Variants in KHDRBS2 observed in about 807,000 individuals in gnomAD.
KHDRBS2 encodes the protein KH domain-containing, RNA-binding, signal transduction-associated protein 2.
A neutral mutation model predicts 44.3 loss-of-function variants in KHDRBS2; 26 were observed. The ratio of observed to expected loss-of-function variants is 0.59; its 90% CI spans 0.43 to 0.81. The LOEUF is 0.81. KHDRBS2 is among the 40% of genes least tolerant of loss of function. The pLI is 0.00. For synonymous variants in KHDRBS2, 194 were observed against 151.1 expected, an observed-to-expected ratio of 1.28 and a Z score of -2.08; for missense variants, 476 against 433.1, an observed-to-expected ratio of 1.10 and a Z score of -0.88.
At chr6:62,035,448 C>T (rs1489625397) in intron 3 of KHDRBS2, among the ~76,000 whole-genome samples, 2 of 151,844 alleles carry the variant, frequency 1.3e-5, no homozygotes, top group Admixed American at 6.6e-5. Flanking sequence ...ATGAAAACAA[C>T]TGAACTCATG....
Position 61,794,965 on chromosome 6 carries a change from C to G in KHDRBS2, c.811-62201G>C, listed in dbSNP as rs374467936. 1.5e-4 allele frequency among the ~76,000 whole-genome samples: 22 copies of G among 151,598 alleles called. No homozygotes were observed. In the East Asian group the frequency reaches 4.1e-3, roughly 28 times the overall value. On this transcript the variant is annotated intron_variant, in intron 6 of 8. Transcript: ENST00000281156. ...ACCAACCTGGCCAACATGGTGAAAC[C>G]CTGTCTCTACTAAAAATACAAAAAT...
At chr6:62,153,673 A>T (rs1047318093) in intron 2 of KHDRBS2, among the ~76,000 whole-genome samples, 1 of 152,178 alleles carries the variant, frequency 6.6e-6, no homozygotes, top group Non-Finnish European at 1.5e-5. Flanking sequence ...GCTTACTTAC[A>T]TCATGGTGAG....
At chr6:61,952,265 G>T (rs191983322) in intron 4 of KHDRBS2, among the ~76,000 whole-genome samples, 12 of 152,134 alleles carry the variant, frequency 7.9e-5, no homozygotes, top group Middle Eastern at 3.4e-3. Flanking sequence ...CAGACTGGGA[G>T]CTACACAGGT....
the KHDRBS2 span, among the ~76,000 whole-genome samples, chr6:61,573,541 A>G: frequency 6.6e-5 from 10 of 152,132 alleles, no homozygotes; most frequent in Non-Finnish European, 4.4e-5. Context: ...TGTAATCCCA[A>G]CACTTTTGGA....
At chr6:62,051,641 T>G (rs1453124456) in intron 2 of KHDRBS2, among the ~76,000 whole-genome samples, 1 of 151,960 alleles carries the variant, frequency 6.6e-6, no homozygotes, top group Non-Finnish European at 1.5e-5. Flanking sequence ...TAAACGGGAC[T>G]ACATTAAACT....
chr6:62,002,379 G>A (rs1584082944), intron 3 of KHDRBS2, among the ~76,000 whole-genome samples: 1 of 151,778 alleles, frequency 6.6e-6, no homozygotes, highest in Non-Finnish European at 1.5e-5. Context: ...GCATCAGCTA[G>A]TATTGGGATA....
chr6:62,075,586 A>C (rs73758649), intron 2 of KHDRBS2, among the ~76,000 whole-genome samples: 3,346 of 151,996 alleles, frequency 0.022, 131 homozygotes, highest in African/African-American at 0.075. Context: ...GTTTCAATGT[A>C]TAAGTTACTT....
chr6:61,840,402 A>G (rs1206510234), intron 6 of KHDRBS2, among the ~76,000 whole-genome samples: 2 of 152,134 alleles, frequency 1.3e-5, no homozygotes, highest in Non-Finnish European at 2.9e-5. Context: ...GTTGATAATC[A>G]ATATAATATA....
the KHDRBS2 span, among the ~76,000 whole-genome samples, chr6:61,669,928 T>C: frequency 1.3e-5 from 2 of 150,968 alleles, no homozygotes. Context: ...TCAGCTCACT[T>C]CTGAAAATTG....
At chr6:62,106,663 C>G (rs1288072485) in intron 2 of KHDRBS2, among the ~76,000 whole-genome samples, 1 of 152,020 alleles carries the variant, frequency 6.6e-6, no homozygotes, top group African/African-American at 2.4e-5. Context: ...AGACCAATAT[C>G]CTTGATGAAC....
chr6:62,275,657 A>G (rs1487740370), intron 1 of KHDRBS2, among the ~76,000 whole-genome samples: 1 of 152,212 alleles, frequency 6.6e-6, no homozygotes, highest in African/African-American at 2.4e-5. Flanking sequence ...TAACCTAGTT[A>G]GTTCACTCTT....
the KHDRBS2 span, among the ~76,000 whole-genome samples, chr6:61,561,199 C>T: frequency 2.3e-4 from 35 of 152,182 alleles, no homozygotes; most frequent in Middle Eastern, 6.3e-3. Context: ...CTCTCTCTCT[C>T]TCTCCTTCTC....
chr6:61,717,037 A>C (rs1323119999), intron 7 of KHDRBS2, among the ~76,000 whole-genome samples: 4 of 152,056 alleles, frequency 2.6e-5, no homozygotes, highest in African/African-American at 7.2e-5. Context: ...TTCAGTTACT[A>C]TCTAAAACAC....
chr6:61,686,236 G>A (rs1417751784), intron 8 of KHDRBS2, among the ~76,000 whole-genome samples: 3 of 151,698 alleles, frequency 2.0e-5, no homozygotes, highest in Non-Finnish European at 2.9e-5. Flanking sequence ...AAATCAATAT[G>A]CAAAAATCAC....
the KHDRBS2 span, among the ~76,000 whole-genome samples, chr6:61,573,626 C>T: frequency 6.6e-6 from 1 of 152,014 alleles, no homozygotes; most frequent in East Asian, 1.9e-4. Flanking sequence ...CCTGTCTCTA[C>T]TAAAAATACA....
intron 4 of KHDRBS2, among the ~76,000 whole-genome samples, chr6:61,977,725 C>T (rs1251514558): frequency 2.6e-5 from 4 of 151,992 alleles, no homozygotes; most frequent in African/African-American, 9.7e-5. Flanking sequence ...AAATTGCAAA[C>T]GATAAACTTT....
At chr6:62,238,421 C>T (rs1197013710) in intron 1 of KHDRBS2, among the ~76,000 whole-genome samples, 1 of 151,722 alleles carries the variant, frequency 6.6e-6, no homozygotes, top group African/African-American at 2.4e-5. Context: ...TCCTTTTTTC[C>T]TTTCTTAGGG....
chr6:61,968,848 G>A (rs1770698761), intron 4 of KHDRBS2, among the ~76,000 whole-genome samples: 1 of 151,944 alleles, frequency 6.6e-6, no homozygotes, highest in South Asian at 2.1e-4. Flanking sequence ...ATCCTCACTG[G>A]TAAAATGAGG....
intron 2 of KHDRBS2, among the ~76,000 whole-genome samples, chr6:62,158,823 CT>C (rs939296983): frequency 4.6e-5 from 7 of 150,714 alleles, no homozygotes; most frequent in South Asian, 2.1e-4. Flanking sequence ...CATATTCTTG[CT>C]TTTTTTTTAA....
Sources: gnomAD v4.1 joint callset for allele counts (sites outside exome capture counted in the v4.1 genomes callset) on GRCh38, gnomAD v4.1.1 for gene constraint, MANE v1.5 for transcripts, NCBI Gene and HGNC (gene_info 2026-07-23, HGNC 2026-07-21) for gene names.